The following ACMSD variants were observed in gnomAD, a reference collection of about 807,000 sequenced individuals.
ACMSD encodes 2-amino-3-carboxymuconate-6-semialdehyde decarboxylase.
Under a neutral mutation model 45.9 loss-of-function variants are expected in ACMSD, and 37 were observed. That is an observed-to-expected ratio of 0.81 (90% confidence interval 0.62 to 1.06). The LOEUF (loss-of-function observed/expected upper bound fraction) is 1.06. Among genes scored for constraint, ACMSD ranks in the 50% least tolerant of loss-of-function variants. The probability of loss-of-function intolerance (pLI) is 0.00; values close to 1 mark genes in which losing one functional copy is unlikely to be tolerated. For synonymous variants in ACMSD, 138 were observed against 148.8 expected, an observed-to-expected ratio of 0.93 and a Z score of 0.53; for missense variants, 434 against 420.9, an observed-to-expected ratio of 1.03 and a Z score of -0.27.
In ACMSD at chr2:134,852,022, T is replaced by C. The variant is rs984540476; in HGVS notation, c.102+6745T>C. On this transcript the variant is annotated intron_variant, in intron 2 of 9. Coordinates refer to ENST00000356140, the MANE Select transcript of ACMSD (RefSeq NM_138326.3). ...CAGAGTATTATTAGTGTGTTATACG[T>C]ATGGTGTTTAAAGCTGGATGAATCG... Among the ~76,000 whole-genome samples, 5 of 152,176 alleles carry C rather than the reference T, an allele frequency of 3.3e-5. No homozygotes were observed. The East Asian group carries it at 9.6e-4, about 29-fold the overall frequency.
At chr2:134,850,011 C>T (rs1227187467) in intron 2 of ACMSD, among the ~76,000 whole-genome samples, 2 of 151,352 alleles carry the variant, frequency 1.3e-5, no homozygotes, top group Non-Finnish European at 2.9e-5. Context: ...TGAACATTTA[C>T]ATCACACTTT....
chr2:134,840,603 C>G (rs922974200), intron 1 of ACMSD, among the ~76,000 whole-genome samples: 5 of 152,164 alleles, frequency 3.3e-5, no homozygotes, highest in Non-Finnish European at 7.3e-5. Flanking sequence ...GAGGGCACAG[C>G]AAGAAGGCAC....
Position 134,862,023 on chromosome 2 carries a change from G to A in ACMSD, c.249+5G>A. ...CCTGTCATGTTTAGCTACTGGGTGA[G>A]TGTGAAACCTCAAGCCATCTCCTTG... is the stretch of plus-strand genomic sequence containing the variant. On this transcript the variant is annotated splice_donor_5th_base_variant and intron_variant, in intron 4 of 9. Transcript: ENST00000356140. The A allele has an allele frequency of 6.2e-7, 1 of 1,614,138 alleles. No homozygotes were observed. Among genetic ancestry groups the A allele is most frequent in the Non-Finnish European group, 8.5e-7 (1 of 1,180,014 alleles).
chr2:134,847,703 T>C (rs954691731), intron 2 of ACMSD, among the ~76,000 whole-genome samples: 2 of 152,162 alleles, frequency 1.3e-5, no homozygotes, highest in Non-Finnish European at 2.9e-5. Context: ...AGTGAGAACA[T>C]GCAGTGTTTG....
At chr2:134,849,996 AC>A (rs1687257266) in intron 2 of ACMSD, among the ~76,000 whole-genome samples, 1 of 145,830 alleles carries the variant, frequency 6.9e-6, no homozygotes, top group Non-Finnish European at 1.5e-5. Context: ...ACACACACAC[AC>A]ACGTGAACAT....
At chr2:134,899,143 T>C (rs1193200856) in intron 9 of ACMSD, among the ~76,000 whole-genome samples, 1 of 152,198 alleles carries the variant, frequency 6.6e-6, no homozygotes. Context: ...TAATAAATCT[T>C]ACAAAACTTT....
intron 2 of ACMSD, among the ~76,000 whole-genome samples, chr2:134,853,100 T>C (rs971017907): frequency 6.1e-5 from 9 of 148,654 alleles, no homozygotes; most frequent in South Asian, 4.2e-4. Context: ...GAGGCGGAGA[T>C]TGCAGTGAGC....
At chr2:134,846,883 G>T (rs1439512925) in intron 2 of ACMSD, among the ~76,000 whole-genome samples, 1 of 152,182 alleles carries the variant, frequency 6.6e-6, no homozygotes, top group Non-Finnish European at 1.5e-5. Context: ...ATAAAGCAGC[G>T]ATGTGATAGA....
At chr2:134,860,994 C>T (rs1201885905) in intron 3 of ACMSD, among the ~76,000 whole-genome samples, 1 of 152,138 alleles carries the variant, frequency 6.6e-6, no homozygotes, top group East Asian at 1.9e-4. Context: ...TGCACCACTA[C>T]ACTCCAGCCT....
Position 134,863,689 on chromosome 2 carries a change from C to T in ACMSD, c.486+58C>T, listed in dbSNP as rs1462484069. On this transcript the variant is annotated intron_variant, in intron 5 of 9. Coordinates refer to ENST00000356140, the MANE Select transcript of ACMSD (RefSeq NM_138326.3). Reference sequence around the variant, plus strand: ...CGCCCAGTGCCTGGGCCGGGGGCACCGCTGGGTGCTGGCAGGGAGGAGGTG... The same window carrying T: ...CGCCCAGTGCCTGGGCCGGGGGCACTGCTGGGTGCTGGCAGGGAGGAGGTG... 1.3e-5 allele frequency: 21 copies of T among 1,568,506 alleles called. No individual in the cohort carries two copies. The East Asian group carries it at 2.2e-4, about 17-fold the overall frequency.
rs1378709017 is a variant in ACMSD, at chr2:134,838,690, T to C, written c.8T>C (p.Ile3Thr). ...TTCTCTGATCCTGTGGAGATGAAAA[T>C]TGACATCCATAGTCATATTCTACCA... is the stretch of plus-strand genomic sequence containing the variant. MK[I>T]DIHSHILPKE... The change falls in exon 1 of 10, where the codon ATT (isoleucine) becomes ACT (threonine). Residue 3 changes from isoleucine to threonine, a missense_variant. Physicochemically the swap from Ile to Thr is moderately conservative, Grantham distance 89 (BLOSUM62 -1). Transcript: ENST00000356140. 12 of 1,607,152 alleles carry C rather than the reference T, an allele frequency of 7.5e-6. 1 individual carries two copies. The highest frequency in any genetic ancestry group is 1.0e-5 in the Non-Finnish European group (12 of 1,176,812).
intron 7 of ACMSD, among the ~76,000 whole-genome samples, 191 bp downstream of exon 7, chr2:134,871,251 G>A (rs1688421828): frequency 2.6e-5 from 4 of 152,100 alleles, no homozygotes; most frequent in Non-Finnish European, 4.4e-5. Context: ...TCCTCACATG[G>A]CCTTTGGTTT....
Position 134,867,593 on chromosome 2 carries a change from G to A in ACMSD, c.501G>A (p.Leu167=), listed in dbSNP as rs561970448. 1 of 1,613,884 alleles carries A rather than the reference G, an allele frequency of 6.2e-7. No individual in the cohort carries two copies. Among genetic ancestry groups the A allele is most frequent in the South Asian group, 1.1e-5 (1 of 91,014 alleles). ...LFPVYAAAER[L]KCSLFVHPWD... ...CTTCTTTGAAGGCAGCCGAAAGGCT[G>A]AAGTGTTCCCTGTTCGTGCATCCCT... Residue 167 remains leucine (L), a synonymous_variant, in exon 6 of 10, where the codon CTG becomes CTA. Transcript: ENST00000356140.
At chr2:134,880,545 T>C (rs1210985285) in intron 8 of ACMSD, among the ~76,000 whole-genome samples, 1 of 152,180 alleles carries the variant, frequency 6.6e-6, no homozygotes, top group African/African-American at 2.4e-5. Flanking sequence ...AAGGCTTCTA[T>C]TTAGTTGGTC....
chr2:134,840,992 T>G (rs913113681), intron 1 of ACMSD, among the ~76,000 whole-genome samples: 2 of 152,196 alleles, frequency 1.3e-5, no homozygotes, highest in Non-Finnish European at 2.9e-5. Context: ...AGCTACCACT[T>G]ATGAGTGAGA....
intron 8 of ACMSD, among the ~76,000 whole-genome samples, chr2:134,893,039 C>A (rs538012426): frequency 6.6e-6 from 1 of 152,212 alleles, no homozygotes; most frequent in East Asian, 1.9e-4. Flanking sequence ...TTTCACCACC[C>A]ATTTACTTTT....
chr2:134,845,199 T>A, intron 1 of ACMSD, 34 bp from the exon 2 acceptor site: 6 of 1,613,988 alleles, frequency 3.7e-6, no homozygotes, highest in Non-Finnish European at 5.1e-6. Context: ...TGGTCTTTGC[T>A]CTTTGACTCT....
chr2:134,871,429 A>T (rs1306684575), intron 7 of ACMSD, among the ~76,000 whole-genome samples: 1 of 152,020 alleles, frequency 6.6e-6, no homozygotes, highest in Non-Finnish European at 1.5e-5. Flanking sequence ...TCAGTTCGTA[A>T]CATCCTTCCA....
chr2:134,853,167 T>TAAAAAA (rs201350282), intron 2 of ACMSD, among the ~76,000 whole-genome samples: 2 of 106,552 alleles, frequency 1.9e-5, no homozygotes, highest in African/African-American at 3.5e-5. Context: ...CATCTCAATC[T>TAAAAAA]AAAAAAAAAA....
Sources: allele counts gnomAD v4.1 joint callset (sites outside exome capture counted in the v4.1 genomes callset), GRCh38; gene constraint gnomAD v4.1.1; transcripts MANE v1.5; gene names NCBI Gene and HGNC (gene_info 2026-07-23, HGNC 2026-07-21).